SLC12A4: variants seen among roughly 807,000 people sequenced by gnomAD.
SLC12A4 encodes the protein solute carrier family 12 member 4.
SLC12A4 carries 84 observed loss-of-function variants against 119.2 expected under a neutral mutation model. That is an observed-to-expected ratio of 0.70 (90% confidence interval 0.59 to 0.85). SLC12A4 has a LOEUF of 0.85. SLC12A4 is among the 40% of genes least tolerant of loss of function. The probability of loss-of-function intolerance (pLI) is 0.00; values close to 1 mark genes in which losing one functional copy is unlikely to be tolerated. For synonymous variants in SLC12A4, 599 were observed against 604.6 expected, an observed-to-expected ratio of 0.99 and a Z score of 0.14; for missense variants, 1,298 against 1,476.3, an observed-to-expected ratio of 0.88 and a Z score of 1.98.
At position 67,950,920 on chromosome 16, in the gene SLC12A4, C is replaced by G. The variant is rs145842261; in HGVS notation, c.1396+42G>C. On this transcript the variant is annotated intron_variant, in intron 10 of 23. Transcript: ENST00000316341. The surrounding 1 kb of genome is among the most constrained non-coding windows in gnomAD (Gnocchi z 4.3). Reference sequence around the variant, plus strand: ...GGCAACGTACACAGGCCAAGCGCTTCCCGTCCTCTGCCCCACCTGCCCCAG... The same window carrying G: ...GGCAACGTACACAGGCCAAGCGCTTGCCGTCCTCTGCCCCACCTGCCCCAG... 6 of 1,599,772 alleles carry G rather than the reference C, an allele frequency of 3.8e-6. No individual in the cohort carries two copies. Among genetic ancestry groups the G allele is most frequent in the Non-Finnish European group, 5.1e-6 (6 of 1,168,374 alleles).
intron 5 of SLC12A4, 63 bp from the exon 6 acceptor site, chr16:67,954,836 G>A (rs1421885396): frequency 8.7e-6 from 14 of 1,600,964 alleles, no homozygotes; most frequent in South Asian, 4.4e-5. Flanking sequence ...GGGTCTCCCT[G>A]TGACAAGCCT....
At chr16:67,960,728 A>C (rs2030518559) in intron 3 of SLC12A4, among the ~76,000 whole-genome samples, 1 of 151,804 alleles carries the variant, frequency 6.6e-6, no homozygotes, top group South Asian at 2.1e-4. Flanking sequence ...AAAAATCCCC[A>C]GCCCTCAGCT....
chr16:67,952,502 A>G (rs763992200), intron 6 of SLC12A4, 77 bp from the exon 7 acceptor site: 1,007 of 1,553,190 alleles, frequency 6.5e-4, no homozygotes, highest in Non-Finnish European at 8.3e-4. Flanking sequence ...TTTTCTTTTT[A>G]CGAGTACCTA....
chr16:67,962,874 T>C (rs776892443), intron 2 of SLC12A4: 1 of 151,838 alleles, frequency 6.6e-6, no homozygotes, highest in African/African-American at 2.4e-5. Context: ...GATTAAGGAG[T>C]CTCCATTACT....
At chr16:67,955,456 T>A (rs2030200751) in intron 5 of SLC12A4, among the ~76,000 whole-genome samples, 1 of 152,190 alleles carries the variant, frequency 6.6e-6, no homozygotes, top group African/African-American at 2.4e-5. Context: ...GCGTGGTGGC[T>A]CATGCCTGTA....
chr16:67,963,991 G>A, intron 1 of SLC12A4: 5 of 1,551,396 alleles, frequency 3.2e-6, no homozygotes, highest in Non-Finnish European at 4.4e-6. Flanking sequence ...GTGCCCTCCA[G>A]ATAGACGAAG....
In SLC12A4 at chr16:67,968,440, G is replaced by A. The variant is rs749934530; in HGVS notation, c.114C>T (p.Asp38=). ...CGGCCCCTCAGAACGCGCCCTCACCGTCCGAGTCATCCAGCTCGGCGCGCT... is the reference window on the plus strand; with the variant it reads ...CGGCCCCTCAGAACGCGCCCTCACCATCCGAGTCATCCAGCTCGGCGCGCT... The part of the protein sequence containing the change: ...YGERAELDDS[D]GHGNHRESSP... The change falls in exon 1 of 24, where the codon GAC becomes GAT. Residue 38 remains aspartate (D), a splice_region_variant and synonymous_variant. Transcript: ENST00000316341. 2 of 1,570,984 alleles carry A rather than the reference G, an allele frequency of 1.3e-6. No homozygotes were observed. Among genetic ancestry groups the A allele is most frequent in the Non-Finnish European group, 1.7e-6 (2 of 1,165,144 alleles).
chr16:67,948,291 C>T, intron 13 of SLC12A4, 132 bp from the exon 14 acceptor site: 3 of 734,178 alleles, frequency 4.1e-6, no homozygotes, highest in Non-Finnish European at 6.9e-6. Flanking sequence ...TCTTCTCAAC[C>T]TCATTGCTGC....
rs1299473531 is a variant in SLC12A4, at chr16:67,946,287, T to C, written c.2491A>G (p.Ile831Val). The part of the protein sequence containing the change: ...AHLALLVPKN[I>V]AFYPSNHERY... ...TCGTGGTTGCTGGGGTAGAAGGCGA[T>C]GTTCTTGGGCACGAGCAGGGCCAGG... Residue 831 changes from isoleucine to valine, a missense_variant, in exon 19 of 24, where the codon ATC (isoleucine) becomes GTC (valine). Coordinates refer to ENST00000316341, the MANE Select transcript of SLC12A4 (RefSeq NM_005072.5). 2 of 1,613,190 alleles carry C rather than the reference T, an allele frequency of 1.2e-6. No homozygotes were observed. The highest frequency in any genetic ancestry group is 2.2e-5 in the East Asian group (1 of 44,874).
At chr16:67,962,503 T>A (rs1213110104) in intron 2 of SLC12A4, 1 of 152,222 alleles carries the variant, frequency 6.6e-6, no homozygotes, top group Non-Finnish European at 1.5e-5. Context: ...AGAAGTTGCT[T>A]TGGTGTGAGA....
upstream of SLC12A4, chr16:67,968,658 TC>T: frequency 7.8e-7 from 1 of 1,282,976 alleles, no homozygotes. Context: ...CTCGCATTCC[TC>T]CCCGCTGCGC....
chr16:67,947,699 C>T lies in SLC12A4; in HGVS notation c.1937G>A (p.Gly646Asp). The T allele has an allele frequency of 6.3e-7, 1 of 1,596,386 alleles. No individual in the cohort carries two copies. The highest frequency in any genetic ancestry group is 1.7e-5 in the Admixed American group (1 of 57,262). Reference sequence around the variant, plus strand: ...GTACTCGATGTATTTGTAGATCATGCCGGCGATGAGCATGGCCACCAGGGC... The same window carrying T: ...GTACTCGATGTATTTGTAGATCATGTCGGCGATGAGCATGGCCACCAGGGC... ...YYALVAMLIA[G>D]MIYKYIEYQG... The change falls in exon 15 of 24, where the codon GGC becomes GAC. Residue 646 changes from glycine (G) to aspartate (D), a missense_variant. Transcript: ENST00000316341.
Position 67,944,890 on chromosome 16 carries a change from C to T in SLC12A4, c.3208G>A (p.Val1070Met), listed in dbSNP as rs1188656174. The T allele has an allele frequency of 2.5e-6, 4 of 1,613,524 alleles. No homozygotes were observed. The highest frequency in any genetic ancestry group is 3.4e-6 in the Non-Finnish European group (4 of 1,180,022). The change falls in exon 24 of 24, where the codon GTG becomes ATG. Residue 1070 changes from valine to methionine, a missense_variant. Physicochemically the swap from Val to Met is conservative, Grantham distance 21. Coordinates refer to ENST00000316341, the MANE Select transcript of SLC12A4 (RefSeq NM_005072.5). The surrounding 1 kb of genome is among the most constrained non-coding windows in gnomAD (Gnocchi z 6.6). ...LEVLTEGLER[V>M]LLVRGGGREV... is the part of the protein sequence containing the mutation. The stretch of plus-strand genomic sequence containing the variant: ...CGGCCACCACCGCGCACCAACAGCA[C>T]CCGCTCAAGGCCCTCGGTCAGCACC...
At chr16:67,955,850 G>A (rs1234320944) in intron 5 of SLC12A4, among the ~76,000 whole-genome samples, 1 of 150,954 alleles carries the variant, frequency 6.6e-6, no homozygotes, top group Non-Finnish European at 1.5e-5. Flanking sequence ...CTTCACTCTA[G>A]CCTGGCGACA....
chr16:67,954,451 G>T (rs1167601945), intron 6 of SLC12A4, among the ~76,000 whole-genome samples, 192 bp downstream of exon 6: 1 of 152,220 alleles, frequency 6.6e-6, no homozygotes, highest in Non-Finnish European at 1.5e-5. Flanking sequence ...TGCCTTGCCT[G>T]GCCCAAACTG....
intron 1 of SLC12A4, among the ~76,000 whole-genome samples, chr16:67,966,329 C>T (rs555969664): frequency 6.6e-6 from 1 of 152,246 alleles, no homozygotes; most frequent in Non-Finnish European, 1.5e-5. Flanking sequence ...CTTCAGACCT[C>T]CTGTTCTGGC....
chr16:67,954,516 G>T (rs2030135994), intron 6 of SLC12A4, 127 bp downstream of exon 6: 2 of 1,172,764 alleles, frequency 1.7e-6, no homozygotes, highest in East Asian at 2.4e-5. Flanking sequence ...TCTCGAAGAG[G>T]CTTCCTACTT....
intron 13 of SLC12A4, 122 bp from the exon 14 acceptor site, chr16:67,948,281 T>A: frequency 1.2e-6 from 1 of 830,830 alleles, no homozygotes; most frequent in East Asian, 2.6e-5. Context: ...CTCAGCAAGG[T>A]CTTCTCAACC....
chr16:67,945,485 C>T lies in SLC12A4; in HGVS notation c.2916G>A (p.Glu972=). Residue 972 remains glutamate (E), a synonymous_variant, in exon 22 of 24, where the codon GAG becomes GAA. Transcript: ENST00000316341. ...GGATCTTGTCAGCCCCCACTGCAGA[C>T]TCATCTTCCTCGTCCGAGTACAGGC... is the stretch of plus-strand genomic sequence containing the variant. The part of the protein sequence containing the change: ...LESLYSDEED[E]SAVGADKIQM... The T allele has an allele frequency of 1.9e-6, 3 of 1,614,130 alleles. No individual in the cohort carries two copies. Among genetic ancestry groups the T allele is most frequent in the African/African-American group, 1.3e-5 (1 of 75,070 alleles).
Sources: allele counts gnomAD v4.1 joint callset (sites outside exome capture counted in the v4.1 genomes callset), GRCh38; gene constraint gnomAD v4.1.1; non-coding constraint Gnocchi (gnomAD v3.1); transcripts MANE v1.5; gene names NCBI Gene and HGNC (gene_info 2026-07-23, HGNC 2026-07-21).